The following AMPH variants were observed in gnomAD, a reference collection of about 807,000 sequenced individuals.
AMPH encodes amphiphysin (Stiff-Mann syndrome with breast cancer 128kD autoantigen).
In AMPH, 49 loss-of-function variants were observed where a neutral mutation model predicts 99.1. The observed-to-expected ratio is 0.49, with a 90% confidence interval of 0.39 to 0.63. The LOEUF (loss-of-function observed/expected upper bound fraction) is 0.63. Among genes scored for constraint, AMPH ranks in the 20% least tolerant of loss-of-function variants. The probability of loss-of-function intolerance (pLI) is 0.00; values close to 1 mark genes in which losing one functional copy is unlikely to be tolerated. For missense variants in AMPH, 759 were observed against 863.4 expected, an observed-to-expected ratio of 0.88 and a Z score of 1.52; for synonymous variants, 314 against 317.3, an observed-to-expected ratio of 0.99 and a Z score of 0.11.
At chr7:38,447,592 C>T (rs1786838039) in intron 11 of AMPH, among the ~76,000 whole-genome samples, 1 of 152,092 alleles carries the variant, frequency 6.6e-6, no homozygotes, top group African/African-American at 2.4e-5. Context: ...ACCCAGAAAT[C>T]TAGCCTCCAG....
At chr7:38,572,345 C>G (rs1232776880) in intron 1 of AMPH, among the ~76,000 whole-genome samples, 3 of 152,196 alleles carry the variant, frequency 2.0e-5, no homozygotes, top group Non-Finnish European at 4.4e-5. Context: ...ACCCCAGGAG[C>G]AACAGGCTAT....
In AMPH at chr7:38,448,773, C is replaced by A. The variant is rs75738729; in HGVS notation, c.1018-12385G>T. Among the ~76,000 whole-genome samples, 45 of 152,290 alleles carry A rather than the reference C, an allele frequency of 3.0e-4. No homozygotes were observed. The East Asian group carries it at 7.9e-3, about 27-fold the overall frequency. The stretch of plus-strand genomic sequence containing the variant: ...TCTAGACCTATCGATTGTTCTCTCA[C>A]ATTTGCTTTATGTGCATACCTATAT... On this transcript the variant is annotated intron_variant, in intron 11 of 20. Transcript: ENST00000356264.
intron 11 of AMPH, among the ~76,000 whole-genome samples, chr7:38,460,923 C>G (rs1285680005): frequency 6.6e-6 from 1 of 152,200 alleles, no homozygotes; most frequent in Non-Finnish European, 1.5e-5. Context: ...AATACCCTAA[C>G]TCGATCATTC....
In AMPH at chr7:38,407,270, G is replaced by T. The variant is rs568295589; in HGVS notation, c.1398+10555C>A. Among the ~76,000 whole-genome samples, 98 of 140,336 alleles carry T rather than the reference G, an allele frequency of 7.0e-4. 1 individual carries two copies. The Middle Eastern group carries it at 0.016, about 23-fold the overall frequency. The allele number at this position is 140,336 out of a possible 152,430, so 92.1% of individuals were successfully genotyped here. On this transcript the variant is annotated intron_variant, in intron 17 of 20. Transcript: ENST00000356264. The stretch of plus-strand genomic sequence containing the variant: ...CTGTATCTAACTATCTATCTATCTA[G>T]CTAGCTAGCTTTCTATCTATATAGA...
chr7:38,450,702 A>T (rs1165491775), intron 11 of AMPH, among the ~76,000 whole-genome samples: 1 of 152,078 alleles, frequency 6.6e-6, no homozygotes, highest in African/African-American at 2.4e-5. Context: ...TTGGCATTTC[A>T]CTTATGGAAA....
chr7:38,445,010 T>TATATATATATATACACAC (rs1458295332), intron 11 of AMPH, among the ~76,000 whole-genome samples: 1 of 125,990 alleles, frequency 7.9e-6, no homozygotes, highest in African/African-American at 2.9e-5. Flanking sequence ...TATATATATA[T>TATATATATATATACACAC]ACACACACAC....
chr7:38,446,340 TG>T (rs1238702961), intron 11 of AMPH, among the ~76,000 whole-genome samples: 1 of 152,216 alleles, frequency 6.6e-6, no homozygotes, highest in African/African-American at 2.4e-5. Flanking sequence ...AAAGCATGCA[TG>T]CACACAAATA....
At chr7:38,625,864 T>C (rs981857583) in intron 1 of AMPH, among the ~76,000 whole-genome samples, 7 of 152,176 alleles carry the variant, frequency 4.6e-5, no homozygotes, top group Non-Finnish European at 1.0e-4. Context: ...TCCATATACA[T>C]AGAAACTCAT....
chr7:38,387,572 G>C (rs925412708), intron 20 of AMPH, among the ~76,000 whole-genome samples: 3 of 151,908 alleles, frequency 2.0e-5, no homozygotes, highest in African/African-American at 7.3e-5. Context: ...CAGATCAATA[G>C]AAATTATCCA....
intron 7 of AMPH, among the ~76,000 whole-genome samples, chr7:38,471,475 C>A (rs1354894091): frequency 1.3e-5 from 2 of 152,158 alleles, no homozygotes; most frequent in Non-Finnish European, 2.9e-5. Context: ...AGTTCCATTT[C>A]TCCCTCATGA....
chr7:38,597,225 T>C (rs1304414663), intron 1 of AMPH, among the ~76,000 whole-genome samples: 2 of 152,174 alleles, frequency 1.3e-5, no homozygotes, highest in Non-Finnish European at 2.9e-5. Flanking sequence ...CATTTGATTA[T>C]GACATATGAA....
rs867688485 is a variant in AMPH, at chr7:38,571,299, G to T, written c.70-36288C>A. Among the ~76,000 whole-genome samples, 19 of 8,760 alleles carry T rather than the reference G, an allele frequency of 2.2e-3. 2 individuals carry two copies. Among genetic ancestry groups the T allele is most frequent in the African/African-American group, 4.5e-3 (9 of 2,014 alleles). 5.7% of individuals were successfully genotyped at this position (8,760 alleles called of 152,430 possible). A position where few individuals can be genotyped will look rare whatever the true frequency, so the allele number is the denominator to read the frequency against. ...TATATTTTTATATATATTTATATAT[G>T]AATATATATATTTATATATAGAATA... On this transcript the variant is annotated intron_variant, in intron 1 of 20. Transcript: ENST00000356264.
At chr7:38,613,432 A>C (rs1793755130) in intron 1 of AMPH, among the ~76,000 whole-genome samples, 1 of 152,190 alleles carries the variant, frequency 6.6e-6, no homozygotes, top group South Asian at 2.1e-4. Context: ...GCTGCCTTCC[A>C]ACCAATTAGA....
At position 38,384,848 on chromosome 7, in the gene AMPH, A is replaced by C; in HGVS notation, c.2058T>G (p.Phe686Leu). 1 of 1,614,044 alleles carries C rather than the reference A, an allele frequency of 6.2e-7. No homozygotes were observed. Among genetic ancestry groups the C allele is most frequent in the Non-Finnish European group, 8.5e-7 (1 of 1,179,934 alleles). ...CTAAGCGTCGGGTGAAGTTCTCTGG[A>C]AAGAGGCCTTTGTAGGTGGCAAGGT... is the stretch of plus-strand genomic sequence containing the variant. ...YRDLATYKGL[F>L]PENFTRRLD The change falls in exon 21 of 21, where the codon TTT becomes TTG. Residue 686 changes from phenylalanine (F) to leucine (L), a missense_variant. Transcript: ENST00000356264.
intron 19 of AMPH, among the ~76,000 whole-genome samples, chr7:38,390,561 C>G (rs749721957): frequency 2.6e-5 from 4 of 152,178 alleles, no homozygotes; most frequent in Non-Finnish European, 5.9e-5. Flanking sequence ...TCAACTCCAC[C>G]CCTGAGAGTA....
At chr7:38,584,739 C>G (rs80261860) in intron 1 of AMPH, among the ~76,000 whole-genome samples, 2,562 of 152,276 alleles carry the variant, frequency 0.017, 62 homozygotes, top group African/African-American at 0.051. Context: ...GGAAATTTTC[C>G]CTCTGCACTC....
chr7:38,392,328 G>A (rs1217156613), intron 18 of AMPH, among the ~76,000 whole-genome samples: 1 of 151,088 alleles, frequency 6.6e-6, no homozygotes, highest in African/African-American at 2.4e-5. Flanking sequence ...GGTGAGGGAG[G>A]CCATCCTGAG....
chr7:38,441,165 T>C (rs1463350969), intron 11 of AMPH, among the ~76,000 whole-genome samples: 1 of 152,098 alleles, frequency 6.6e-6, no homozygotes, highest in Admixed American at 6.5e-5. Context: ...AATATTGTCA[T>C]GGATAAAGAG....
intron 2 of AMPH, among the ~76,000 whole-genome samples, chr7:38,510,424 A>G (rs899890682): frequency 6.6e-6 from 1 of 152,174 alleles, no homozygotes; most frequent in Non-Finnish European, 1.5e-5. Context: ...GGAGAACACA[A>G]TTCAGTCCAT....
Sources: gnomAD v4.1 joint callset for allele counts (sites outside exome capture counted in the v4.1 genomes callset) on GRCh38, gnomAD v4.1.1 for gene constraint, MANE v1.5 for transcripts, NCBI Gene and HGNC (gene_info 2026-07-23, HGNC 2026-07-21) for gene names.